CHM: variants seen among roughly 807,000 people sequenced by gnomAD.
CHM encodes the protein rab proteins geranylgeranyltransferase component A 1.
In CHM, 10 loss-of-function variants were observed where a neutral mutation model predicts 49.0. The observed-to-expected ratio is 0.20, with a 90% CI of 0.13 to 0.35. The LOEUF is 0.35. Ranked by LOEUF, CHM falls within the 10% of genes least tolerant of loss-of-function variation. The pLI is 1.00. For missense variants in CHM, 455 were observed against 478.4 expected (o/e 0.95, Z 0.46); for synonymous variants, 184 against 167.5 (o/e 1.10, Z -0.76).
At chrX:86,007,516 C>CA (rs1932887843) in intron 2 of CHM, among the ~76,000 whole-genome samples, 3 of 111,627 alleles carry the variant, frequency 2.7e-5, no homozygotes, top group African/African-American at 9.8e-5. Context: ...ACCCATCTGA[C>CA]AAAGGGCTAA....
At chrX:86,004,517 T>C (rs1932812137) in intron 2 of CHM, among the ~76,000 whole-genome samples, 3 of 110,804 alleles carry the variant, frequency 2.7e-5, no homozygotes, top group South Asian at 7.6e-4. Context: ...AGAAGACCAA[T>C]CTCACAGGCA....
At chrX:85,864,971 G>T in intron 14 of CHM, 150 bp from the exon 15 acceptor site, 1 of 515,816 alleles carries the variant, frequency 1.9e-6, no homozygotes, top group Non-Finnish European at 3.3e-6. Context: ...ATGAACTTCC[G>T]TAAGTCTGTT....
At chrX:85,874,539 A>G (rs999199549) in intron 13 of CHM, among the ~76,000 whole-genome samples, 2 of 111,635 alleles carry the variant, frequency 1.8e-5, no homozygotes, top group Admixed American at 9.5e-5. Flanking sequence ...TTCCCACATC[A>G]GGATAAACAG....
intron 2 of CHM, among the ~76,000 whole-genome samples, chrX:85,989,794 A>G (rs957430836): frequency 8.9e-6 from 1 of 112,164 alleles, no homozygotes; most frequent in Non-Finnish European, 1.9e-5. Flanking sequence ...ACAATGAGAT[A>G]CCATCTCACA....
chrX:85,948,976 A>G (rs1363477691), intron 8 of CHM, among the ~76,000 whole-genome samples: 1 of 111,916 alleles, frequency 8.9e-6, no homozygotes, highest in Non-Finnish European at 1.9e-5. Context: ...AAATGTAAGA[A>G]CTCAAGAGAA....
intron 1 of CHM, 72 bp downstream of exon 1, chrX:86,047,412 G>T: frequency 1.0e-6 from 1 of 991,883 alleles, no homozygotes; most frequent in South Asian, 2.0e-5. Context: ...CCCAAAACTC[G>T]CCACTGACAG....
chrX:85,991,291 T>A (rs983131038), intron 2 of CHM, among the ~76,000 whole-genome samples: 15 of 111,910 alleles, frequency 1.3e-4, no homozygotes, highest in Non-Finnish European at 2.8e-4. Flanking sequence ...CTTGTCTGTG[T>A]AGAGTTTAGT....
chrX:85,927,464 C>T (rs754285216), intron 8 of CHM, among the ~76,000 whole-genome samples: 1 of 112,067 alleles, frequency 8.9e-6, no homozygotes, highest in Non-Finnish European at 1.9e-5. Flanking sequence ...ATGTGAAGTA[C>T]TAAGTCTAAT....
intron 9 of CHM, among the ~76,000 whole-genome samples, chrX:85,907,571 C>T (rs542466705): frequency 3.7e-4 from 41 of 112,076 alleles, no homozygotes; most frequent in Admixed American, 2.7e-3. Context: ...AAAGCAGAAC[C>T]AATCAAACAA....
intron 2 of CHM, among the ~76,000 whole-genome samples, chrX:86,012,626 C>T (rs192101612): frequency 2.3e-3 from 259 of 111,605 alleles, no homozygotes; most frequent in African/African-American, 8.1e-3. Context: ...TGAGGCACCC[C>T]GCTGGAACCT....
intron 2 of CHM, among the ~76,000 whole-genome samples, chrX:86,006,990 C>T (rs12396999): frequency 0.17 from 18,992 of 110,986 alleles, 1,547 homozygotes; most frequent in Non-Finnish European, 0.25. Context: ...GGAGGCATCA[C>T]GCTACCTGAC....
At chrX:86,027,323 C>T in intron 2 of CHM, 168 bp downstream of exon 2, 1 of 458,139 alleles carries the variant, frequency 2.2e-6, no homozygotes, top group East Asian at 3.8e-5. Flanking sequence ...CTATATATTT[C>T]ACATATTAGT....
intron 8 of CHM, among the ~76,000 whole-genome samples, chrX:85,915,056 TA>T (rs892176651): frequency 6.5e-5 from 7 of 108,168 alleles, no homozygotes; most frequent in Non-Finnish European, 5.8e-5. Flanking sequence ...AAAACCCATA[TA>T]AAAAAAAACC....
At position 85,879,053 on chromosome X, in the gene CHM, A is replaced by G; in HGVS notation, c.1521T>C (p.His507=). 1 of 1,180,798 alleles carries G rather than the reference A, an allele frequency of 8.5e-7. No homozygotes were observed. Among genetic ancestry groups the G allele is most frequent in the Non-Finnish European group, 1.1e-6 (1 of 869,968 alleles). The change falls in exon 13 of 15, where the codon CAT becomes CAC. Residue 507 remains histidine (H), a synonymous_variant. Transcript: ENST00000357749. ...CTGTTTTAGAAGATGTGCAAGTCAA[A>G]TGAACCAAATCTGTTAAAAAAAAAA... is the stretch of plus-strand genomic sequence containing the variant. ...MTCMKGTYLV[H]LTCTSSKTAR...
intron 14 of CHM, among the ~76,000 whole-genome samples, chrX:85,871,783 A>G (rs1047591018): frequency 2.7e-5 from 3 of 111,823 alleles, no homozygotes; most frequent in Non-Finnish European, 5.6e-5. Flanking sequence ...TTGTATTATA[A>G]GCCCTTACTT....
chrX:86,006,150 C>G (rs1932848064), intron 2 of CHM, among the ~76,000 whole-genome samples: 1 of 111,714 alleles, frequency 9.0e-6, no homozygotes, highest in Admixed American at 9.5e-5. Context: ...TAAACAGGAC[C>G]AACGACAAAA....
At chrX:85,890,948 C>A (rs1969355657) in intron 12 of CHM, among the ~76,000 whole-genome samples, 1 of 111,375 alleles carries the variant, frequency 9.0e-6, no homozygotes, top group Non-Finnish European at 1.9e-5. Context: ...AAGGTCCAGG[C>A]TGAGGTGGTC....
intron 4 of CHM, among the ~76,000 whole-genome samples, chrX:85,976,532 G>A (rs760355613): frequency 2.7e-5 from 3 of 109,864 alleles, no homozygotes; most frequent in South Asian, 8.1e-4. Context: ...TGAGGCAGGA[G>A]AATGGCATGA....
intron 4 of CHM, among the ~76,000 whole-genome samples, chrX:85,972,346 C>T (rs944622685): frequency 1.8e-5 from 2 of 113,672 alleles, no homozygotes; most frequent in South Asian, 3.5e-4. Flanking sequence ...GCCAGTCCCG[C>T]GCCATGCGCT....
Sources: gnomAD v4.1 joint callset for allele counts (sites outside exome capture counted in the v4.1 genomes callset) on GRCh38, gnomAD v4.1.1 for gene constraint, MANE v1.5 for transcripts, NCBI Gene and HGNC (gene_info 2026-07-23, HGNC 2026-07-21) for gene names.